Variants in SGCZ observed in about 807,000 individuals in gnomAD.
SGCZ encodes the protein sarcoglycan zeta, also known as zeta-sarcoglycan.
Under a neutral mutation model 41.3 loss-of-function variants are expected in SGCZ, and 40 were observed. That is an observed-to-expected ratio of 0.97 (90% CI 0.75 to 1.26). The LOEUF is 1.26. SGCZ is among the 50% of genes most tolerant of loss of function. SGCZ has a pLI of 0.00. For missense variants in SGCZ, 552 were observed against 369.8 expected (o/e 1.49, Z -4.04); for synonymous variants, 206 against 137.5 (o/e 1.50, Z -3.49).
At chr8:15,061,300 ACATG>A (rs1804919345) in intron 1 of SGCZ, among the ~76,000 whole-genome samples, 1 of 150,098 alleles carries the variant, frequency 6.7e-6, no homozygotes, top group South Asian at 2.1e-4. Context: ...ACCAAACACC[ACATG>A]TTCTCACTCA....
chr8:14,819,072 C>T (rs1022724853), intron 1 of SGCZ, among the ~76,000 whole-genome samples: 1 of 151,300 alleles, frequency 6.6e-6, no homozygotes, highest in African/African-American at 2.4e-5. Context: ...TAGATTCAAC[C>T]CAAAAGAACC....
At chr8:14,638,548 A>T (rs1324665895) in intron 1 of SGCZ, among the ~76,000 whole-genome samples, 1 of 151,918 alleles carries the variant, frequency 6.6e-6, no homozygotes, top group African/African-American at 2.4e-5. Context: ...ACTCCTTAGC[A>T]TATTGTTATC....
At chr8:14,766,332 G>A (rs1051354269) in intron 1 of SGCZ, among the ~76,000 whole-genome samples, 2 of 151,986 alleles carry the variant, frequency 1.3e-5, no homozygotes, top group Non-Finnish European at 2.9e-5. Flanking sequence ...AGGTTGACTT[G>A]GGGTATAGTT....
intron 2 of SGCZ, among the ~76,000 whole-genome samples, chr8:14,426,577 G>T (rs1344952356): frequency 5.3e-5 from 8 of 152,096 alleles, no homozygotes; most frequent in Admixed American, 5.2e-4. Flanking sequence ...GCCTAAGGGA[G>T]AAGTTTTGTT....
intron 1 of SGCZ, among the ~76,000 whole-genome samples, chr8:14,560,227 G>A (rs1378341296): frequency 6.6e-6 from 1 of 151,914 alleles, no homozygotes; most frequent in Non-Finnish European, 1.5e-5. Context: ...TCCCAACACA[G>A]ATAAAAGATA....
intron 1 of SGCZ, among the ~76,000 whole-genome samples, chr8:14,973,041 A>G (rs1034436527): frequency 6.6e-6 from 1 of 152,102 alleles, no homozygotes; most frequent in African/African-American, 2.4e-5. Context: ...GTCCTAATTT[A>G]CTGTGTGCTG....
intron 1 of SGCZ, among the ~76,000 whole-genome samples, chr8:15,052,081 G>C (rs978873052): frequency 2.0e-5 from 3 of 152,158 alleles, no homozygotes; most frequent in African/African-American, 7.2e-5. Flanking sequence ...TCAACGTTGA[G>C]AAAAGCATGG....
At chr8:14,540,324 A>C (rs1053375163) in intron 2 of SGCZ, among the ~76,000 whole-genome samples, 1 of 141,136 alleles carries the variant, frequency 7.1e-6, no homozygotes, top group African/African-American at 2.6e-5. Context: ...TTTTCATTAG[A>C]GGTATCATGA....
At chr8:14,785,161 G>C (rs1800729953) in intron 1 of SGCZ, among the ~76,000 whole-genome samples, 1 of 151,028 alleles carries the variant, frequency 6.6e-6, no homozygotes, top group Admixed American at 6.6e-5. Flanking sequence ...GATAATCCCA[G>C]TGTTTTATGT....
At chr8:15,233,818 C>T (rs538822785) in intron 1 of SGCZ, among the ~76,000 whole-genome samples, 93 of 152,158 alleles carry the variant, frequency 6.1e-4, no homozygotes, top group South Asian at 1.9e-3. Context: ...ATTTAACTTC[C>T]AGCCAGTCAT....
At chr8:14,579,107 C>A (rs933487359) in intron 1 of SGCZ, among the ~76,000 whole-genome samples, 2 of 152,048 alleles carry the variant, frequency 1.3e-5, no homozygotes, top group Admixed American at 6.6e-5. Context: ...GGGTTTCTTT[C>A]CCAGCAACAG....
In SGCZ at chr8:14,484,221, C is replaced by T. The variant is rs547337007; in HGVS notation, c.234+70511G>A. Among the ~76,000 whole-genome samples the T allele has an allele frequency of 3.5e-4, 54 of 152,188 alleles. 2 individuals are homozygous for T. The South Asian group carries it at 0.011, about 30-fold the overall frequency. ...GACGTTTGGATGTGGAAATGTAATT[C>T]TGATATTTTTTATTTCCATTTCTAT... is the stretch of plus-strand genomic sequence containing the variant. On this transcript the variant is annotated intron_variant, in intron 2 of 7. Transcript: ENST00000382080.
intron 1 of SGCZ, among the ~76,000 whole-genome samples, chr8:14,975,441 C>G (rs1801434582): frequency 6.6e-6 from 1 of 152,154 alleles, no homozygotes; most frequent in Admixed American, 6.5e-5. Flanking sequence ...AAATAACATT[C>G]ACAGACAACA....
chr8:14,742,868 T>C (rs909538849), intron 1 of SGCZ, among the ~76,000 whole-genome samples: 3 of 152,124 alleles, frequency 2.0e-5, no homozygotes, highest in African/African-American at 7.2e-5. Context: ...TCACTAAACC[T>C]GCTTAGTAAT....
intron 1 of SGCZ, among the ~76,000 whole-genome samples, chr8:14,771,846 T>C (rs1415863956): frequency 6.6e-6 from 1 of 152,126 alleles, no homozygotes; most frequent in East Asian, 1.9e-4. Flanking sequence ...AAGATATTTC[T>C]TCATGAAAAT....
intron 1 of SGCZ, among the ~76,000 whole-genome samples, chr8:15,172,752 T>C (rs1799882990): frequency 6.6e-6 from 1 of 152,280 alleles, no homozygotes; most frequent in East Asian, 1.9e-4. Context: ...AACATTTTCA[T>C]AATGCGCTTT....
At chr8:14,752,157 A>G (rs1426995764) in intron 1 of SGCZ, among the ~76,000 whole-genome samples, 12 of 143,420 alleles carry the variant, frequency 8.4e-5, no homozygotes, top group Non-Finnish European at 1.5e-5. Context: ...AAAAAATCAT[A>G]CCCTTCCTCT....
intron 3 of SGCZ, among the ~76,000 whole-genome samples, chr8:14,245,220 G>C (rs956545937): frequency 6.6e-6 from 1 of 152,106 alleles, no homozygotes; most frequent in African/African-American, 2.4e-5. Context: ...GTATGATATT[G>C]ACTGTGGGTT....
intron 1 of SGCZ, among the ~76,000 whole-genome samples, chr8:14,773,668 C>T (rs750163305): frequency 1.3e-5 from 2 of 152,188 alleles, no homozygotes; most frequent in African/African-American, 4.8e-5. Flanking sequence ...GCAATGCATT[C>T]TTTTGCCTCA....
Sources: gnomAD v4.1 joint callset for allele counts (sites outside exome capture counted in the v4.1 genomes callset) on GRCh38, gnomAD v4.1.1 for gene constraint, MANE v1.5 for transcripts, NCBI Gene and HGNC (gene_info 2026-07-23, HGNC 2026-07-21) for gene names.